NMNAT2: variants seen among roughly 807,000 people sequenced by gnomAD.
NMNAT2 encodes nicotinamide nucleotide adenylyltransferase 2, also known as nicotinamide/nicotinic acid mononucleotide adenylyltransferase 2.
Under a neutral mutation model 41.6 loss-of-function variants are expected in NMNAT2, and 11 were observed. The ratio of observed to expected loss-of-function variants is 0.26; its 90% confidence interval spans 0.17 to 0.44. The LOEUF (loss-of-function observed/expected upper bound fraction) is 0.44. Among genes scored for constraint, NMNAT2 ranks in the 20% least tolerant of loss-of-function variants. The probability of loss-of-function intolerance (pLI) is 1.00; values close to 1 mark genes in which losing one functional copy is unlikely to be tolerated. For missense variants in NMNAT2, 288 were observed against 407.7 expected, an observed-to-expected ratio of 0.71 and a Z score of 2.53; for synonymous variants, 148 against 151.2, an observed-to-expected ratio of 0.98 and a Z score of 0.16.
intron 10 of NMNAT2, among the ~76,000 whole-genome samples, chr1:183,253,134 A>G (rs999515948): frequency 1.3e-5 from 2 of 151,610 alleles, no homozygotes; most frequent in African/African-American, 4.8e-5. Flanking sequence ...TTTTTTCTCA[A>G]ATAAATTGTA....
chr1:183,254,012 C>T (rs951290266), intron 10 of NMNAT2, among the ~76,000 whole-genome samples: 4 of 151,970 alleles, frequency 2.6e-5, no homozygotes, highest in Admixed American at 6.6e-5. Flanking sequence ...GTTGTTTCCA[C>T]ATCTTGGCTA....
intron 1 of NMNAT2, among the ~76,000 whole-genome samples, chr1:183,371,695 T>C (rs1173768534): frequency 6.6e-6 from 1 of 152,202 alleles, no homozygotes; most frequent in East Asian, 1.9e-4. Context: ...CTCTGCTGAG[T>C]CTGCTGCTGG....
rs1255057181 is a variant in NMNAT2, at chr1:183,251,148, G to A, written c.*1493C>T. ...AGGTAGAAAATTAGAGAAAAAAGGA[G>A]TGAAGCAACTTAGTGGCTCCTGACC... On this transcript the variant is annotated 3_prime_UTR_variant, in exon 11 of 11. Coordinates refer to ENST00000287713, the MANE Select transcript of NMNAT2 (RefSeq NM_015039.4). 6.6e-6 allele frequency: 1 copy of A among 152,188 alleles called. No individual in the cohort carries two copies. The highest frequency in any genetic ancestry group is 1.5e-5 in the Non-Finnish European group (1 of 68,066). 9.4% of individuals were successfully genotyped at this position (152,188 alleles called of 1,614,324 possible). A position where few individuals can be genotyped will look rare whatever the true frequency, so the allele number is the denominator to read the frequency against.
chr1:183,352,127 G>C (rs998975194), intron 1 of NMNAT2, among the ~76,000 whole-genome samples: 1 of 152,096 alleles, frequency 6.6e-6, no homozygotes, highest in African/African-American at 2.4e-5. Context: ...TCCGTTGTTG[G>C]GCAGGGAGAG....
At chr1:183,303,379 T>G (rs1308350295) in intron 1 of NMNAT2, among the ~76,000 whole-genome samples, 1 of 152,224 alleles carries the variant, frequency 6.6e-6, no homozygotes, top group Non-Finnish European at 1.5e-5. Context: ...GGTCTGTATT[T>G]TCTCATGTTA....
chr1:183,275,924 G>A lies in NMNAT2; in HGVS notation c.651+2629C>T, dbSNP rs541494474. ...CCTGACCTCGTGATCCATCTGCCTC[G>A]GCCTCCCAAAGTGCTGGGATTACAG... On this transcript the variant is annotated intron_variant, in intron 8 of 10. Coordinates refer to ENST00000287713, the MANE Select transcript of NMNAT2 (RefSeq NM_015039.4). Among the ~76,000 whole-genome samples the A allele has an allele frequency of 3.9e-5, 6 of 152,186 alleles. No homozygotes were observed. In the South Asian group the frequency reaches 1.2e-3, roughly 32 times the overall value.
intron 1 of NMNAT2, among the ~76,000 whole-genome samples, chr1:183,398,863 T>C (rs1648728312): frequency 6.6e-6 from 1 of 152,210 alleles, no homozygotes; most frequent in Admixed American, 6.5e-5. Flanking sequence ...TTGAAACCAG[T>C]GAGAACAAAG....
At chr1:183,406,802 T>C (rs551027808) in intron 1 of NMNAT2, among the ~76,000 whole-genome samples, 8 of 144,654 alleles carry the variant, frequency 5.5e-5, no homozygotes, top group South Asian at 2.2e-4. Flanking sequence ...ACTCAACTGC[T>C]CTGCCATTCC....
At chr1:183,399,314 G>T (rs970859459) in intron 1 of NMNAT2, among the ~76,000 whole-genome samples, 6 of 152,156 alleles carry the variant, frequency 3.9e-5, no homozygotes, top group Admixed American at 6.6e-5. Context: ...AAATCTAGAA[G>T]AAATGGATAA....
chr1:183,309,526 T>C (rs1314195338), intron 1 of NMNAT2, among the ~76,000 whole-genome samples: 1 of 152,220 alleles, frequency 6.6e-6, no homozygotes. Context: ...ATAACTATGA[T>C]ATTAGTTTTA....
Position 183,389,770 on chromosome 1 carries a change from A to C in NMNAT2, c.85+28413T>G, listed in dbSNP as rs188603068. Among the ~76,000 whole-genome samples, 5 of 44,450 alleles carry C rather than the reference A, an allele frequency of 1.1e-4. 1 individual carries two copies. The highest frequency in any genetic ancestry group is 3.6e-4 in the African/African-American group (5 of 13,708). 29.2% of individuals were successfully genotyped at this position (44,450 alleles called of 152,430 possible). On this transcript the variant is annotated intron_variant, in intron 1 of 10. Transcript: ENST00000287713. ...AAAGAAAGAAAGAAAGAAAGAAAGA[A>C]AGAAAGAAAGAAAGAAAGAAAGAAA...
chr1:183,286,598 A>T, intron 5 of NMNAT2, 64 bp downstream of exon 5: 1 of 1,437,314 alleles, frequency 7.0e-7, no homozygotes, highest in Non-Finnish European at 9.5e-7. Flanking sequence ...CCCAGTAGTC[A>T]TTAATTTAAC....
At chr1:183,414,219 G>A (rs773536019) in intron 1 of NMNAT2, among the ~76,000 whole-genome samples, 1 of 152,182 alleles carries the variant, frequency 6.6e-6, no homozygotes, top group Non-Finnish European at 1.5e-5. Flanking sequence ...CCATGACCCT[G>A]CTGCTGCTCT....
chr1:183,336,766 T>C (rs531432125), intron 1 of NMNAT2, among the ~76,000 whole-genome samples: 56 of 152,234 alleles, frequency 3.7e-4, no homozygotes, highest in Non-Finnish European at 6.0e-4. Flanking sequence ...AGAATGTTTC[T>C]AGCAGTTGTG....
chr1:183,327,819 G>A (rs997809562), intron 1 of NMNAT2, among the ~76,000 whole-genome samples: 9 of 152,198 alleles, frequency 5.9e-5, no homozygotes, highest in African/African-American at 2.2e-4. Context: ...GTGTGTGTAT[G>A]TGTGTTTTTC....
At chr1:183,315,795 A>AG (rs397764374) in intron 1 of NMNAT2, among the ~76,000 whole-genome samples, 4 of 150,916 alleles carry the variant, frequency 2.7e-5, no homozygotes, top group African/African-American at 7.3e-5. Flanking sequence ...AAAAAAAAAA[A>AG]GCAAAGAATG....
intron 1 of NMNAT2, among the ~76,000 whole-genome samples, chr1:183,409,058 T>C (rs1450729575): frequency 6.6e-6 from 1 of 152,126 alleles, no homozygotes; most frequent in Non-Finnish European, 1.5e-5. Flanking sequence ...GGAAAAATGT[T>C]GAAGAATAAA....
intron 1 of NMNAT2, among the ~76,000 whole-genome samples, chr1:183,400,684 C>T (rs187773346): frequency 1.3e-3 from 204 of 152,240 alleles, no homozygotes; most frequent in African/African-American, 3.9e-3. Context: ...CTACAGTAAC[C>T]GAAACAACAT....
intron 1 of NMNAT2, among the ~76,000 whole-genome samples, chr1:183,327,809 G>T (rs1006777068): frequency 1.3e-5 from 2 of 152,120 alleles, no homozygotes; most frequent in East Asian, 1.9e-4. Flanking sequence ...GCTGTTTTTT[G>T]TGTGTGTATG....
Sources: gnomAD v4.1 joint callset for allele counts (sites outside exome capture counted in the v4.1 genomes callset) on GRCh38, gnomAD v4.1.1 for gene constraint, MANE v1.5 for transcripts, NCBI Gene and HGNC (gene_info 2026-07-23, HGNC 2026-07-21) for gene names.